The following SHANK2 variants were observed in gnomAD, a reference collection of about 807,000 sequenced individuals.
SHANK2 encodes the protein SH3 and multiple ankyrin repeat domains protein 2.
SHANK2 carries 43 observed loss-of-function variants against 133.7 expected under a neutral mutation model. The observed-to-expected ratio is 0.32, with a 90% confidence interval of 0.25 to 0.41. The LOEUF is 0.41. Ranked by LOEUF, SHANK2 falls within the 10% of genes least tolerant of loss-of-function variation. The pLI is 1.00. For synonymous variants in SHANK2, 1,017 were observed against 952.8 expected (o/e 1.07, Z -1.24); for missense variants, 1,994 against 2,235.8 (o/e 0.89, Z 2.18).
At chr11:70,876,605 A>G (rs1378268580) in intron 11 of SHANK2, among the ~76,000 whole-genome samples, 1 of 150,192 alleles carries the variant, frequency 6.7e-6, no homozygotes, top group Non-Finnish European at 1.5e-5. Flanking sequence ...ACACACACAC[A>G]CACACGCACA....
chr11:70,521,881 T>TA (rs2135931949), intron 17 of SHANK2, among the ~76,000 whole-genome samples: 1 of 152,368 alleles, frequency 6.6e-6, no homozygotes, highest in East Asian at 1.9e-4. Flanking sequence ...GCAAGGCTGT[T>TA]ACGCGGCACA....
At chr11:70,584,735 C>T (rs1342237851) in intron 17 of SHANK2, among the ~76,000 whole-genome samples, 1 of 152,236 alleles carries the variant, frequency 6.6e-6, no homozygotes, top group Non-Finnish European at 1.5e-5. Context: ...AAGGCATGGC[C>T]TCCCCTACCT....
At chr11:70,647,299 G>A (rs1255547311) in intron 17 of SHANK2, 7 of 152,220 alleles carry the variant, frequency 4.6e-5, no homozygotes, top group Admixed American at 2.6e-4. Context: ...CCGGCTTTCT[G>A]CCTAAGCTCC....
intron 4 of SHANK2, among the ~76,000 whole-genome samples, chr11:71,117,752 C>A (rs1952005836): frequency 6.6e-6 from 1 of 152,202 alleles, no homozygotes; most frequent in Admixed American, 6.5e-5. Flanking sequence ...CACGCTGGGC[C>A]CTCCCGACGT....
At chr11:71,087,848 C>T (rs1008589859) in intron 8 of SHANK2, among the ~76,000 whole-genome samples, 26 of 152,234 alleles carry the variant, frequency 1.7e-4, no homozygotes, top group African/African-American at 5.1e-4. Flanking sequence ...AGGCTGGTCT[C>T]GAACTGCTGG....
intron 15 of SHANK2, among the ~76,000 whole-genome samples, chr11:70,666,704 C>T (rs1944684372): frequency 6.6e-6 from 1 of 152,136 alleles, no homozygotes; most frequent in Non-Finnish European, 1.5e-5. Context: ...ACACGTTCCC[C>T]ACGCTGTGTT....
chr11:70,716,895 G>GCCCCCCCCCCCCCCCCCCCCCCCCCC (rs60827522), intron 14 of SHANK2, among the ~76,000 whole-genome samples: 3 of 138,390 alleles, frequency 2.2e-5, no homozygotes, highest in Non-Finnish European at 3.0e-5. Context: ...GGGTCCCGGA[G>GCCCCCCCCCCCCCCCCCCCCCCCCCC]CCCCCCCCCC....
intron 14 of SHANK2, among the ~76,000 whole-genome samples, chr11:70,745,395 G>T (rs967648800): frequency 1.3e-5 from 2 of 152,156 alleles, no homozygotes; most frequent in Admixed American, 1.3e-4. Context: ...CACCCTCCTT[G>T]GGTTGAAACA....
chr11:70,932,405 C>T (rs1221014342), intron 10 of SHANK2, among the ~76,000 whole-genome samples: 1 of 152,270 alleles, frequency 6.6e-6, no homozygotes, highest in Non-Finnish European at 1.5e-5. Context: ...AGCAGCAGGA[C>T]TCTGCTGGGT....
At chr11:70,509,398 T>C (rs1322552124) in intron 17 of SHANK2, among the ~76,000 whole-genome samples, 1 of 152,082 alleles carries the variant, frequency 6.6e-6, no homozygotes, top group Non-Finnish European at 1.5e-5. Flanking sequence ...ACACTGGCTA[T>C]TGGTCTCAGA....
chr11:71,142,521 C>CA (rs1241445418), intron 3 of SHANK2, among the ~76,000 whole-genome samples: 105 of 148,904 alleles, frequency 7.1e-4, no homozygotes, highest in African/African-American at 1.7e-3. Context: ...AACAAACAAA[C>CA]AAAAAAAAAT....
At chr11:70,777,519 T>TCATCCATCCATCCATCCATC (rs201578144) in intron 14 of SHANK2, among the ~76,000 whole-genome samples, 45 of 151,230 alleles carry the variant, frequency 3.0e-4, no homozygotes, top group African/African-American at 1.1e-3. Flanking sequence ...ACCTATCCAT[T>TCATCCATCCATCCATCCATC]CATCCATCCA....
In SHANK2 at chr11:70,786,434, A is replaced by G. The variant is rs561032645; in HGVS notation, c.1777+12009T>C. Reference sequence around the variant, plus strand: ...GGTGCTGGTGTTCCCAGGTATTACTATCAGGAAGCCCATTCCATCAGTGCT... The same window carrying G: ...GGTGCTGGTGTTCCCAGGTATTACTGTCAGGAAGCCCATTCCATCAGTGCT... On this transcript the variant is annotated intron_variant, in intron 14 of 25. Coordinates refer to ENST00000601538, the MANE Select transcript of SHANK2 (RefSeq NM_012309.5). 2.6e-5 allele frequency among the ~76,000 whole-genome samples: 4 copies of G among 152,206 alleles called. No homozygotes were observed. In the Middle Eastern group the frequency reaches 0.01, roughly 388 times the overall value.
intron 2 of SHANK2, among the ~76,000 whole-genome samples, chr11:71,213,529 ACT>A (rs1159284253): frequency 6.6e-6 from 1 of 151,938 alleles, no homozygotes; most frequent in Non-Finnish European, 1.5e-5. Flanking sequence ...GAGAGCGCAG[ACT>A]CTGTCCTCTG....
chr11:70,535,818 G>GGA lies in SHANK2; in HGVS notation c.2062-32888_2062-32887insTC, dbSNP rs2059535801. ...TGGGCCATCCGCTGGCAGGGAGCTG[G>GGA]GCCCAGGCACTTGGGAAGCTTGGGA... On this transcript the variant is annotated intron_variant, in intron 17 of 25. Transcript: ENST00000601538. This position sits in a 1 kb window ranked among gnomAD's most constrained non-coding sequence, Gnocchi z 4.3. Among the ~76,000 whole-genome samples, 1 of 152,238 alleles carries GGA rather than the reference G, an allele frequency of 6.6e-6. No individual in the cohort carries two copies. Among genetic ancestry groups the GGA allele is most frequent in the Admixed American group, 6.5e-5 (1 of 15,292 alleles).
chr11:71,072,552 G>T (rs1951157542), intron 9 of SHANK2, among the ~76,000 whole-genome samples: 2 of 152,310 alleles, frequency 1.3e-5, no homozygotes, highest in Admixed American at 1.3e-4. Flanking sequence ...TTCCCCGAAA[G>T]AAATGAAAAC....
At chr11:71,059,325 A>G (rs1038934766) in intron 9 of SHANK2, among the ~76,000 whole-genome samples, 7 of 152,294 alleles carry the variant, frequency 4.6e-5, no homozygotes, top group African/African-American at 9.6e-5. Context: ...GTGAAAAAAA[A>G]TGTTCTAAGG....
intron 3 of SHANK2, among the ~76,000 whole-genome samples, chr11:71,146,056 C>A (rs78614411): frequency 2.1e-3 from 318 of 152,320 alleles, no homozygotes; most frequent in African/African-American, 7.3e-3. Context: ...GGGCTTCGTA[C>A]CAACTGCCCC....
intron 22 of SHANK2, 74 bp downstream of exon 22, chr11:70,492,261 C>G: frequency 1.9e-6 from 3 of 1,591,436 alleles, no homozygotes; most frequent in Non-Finnish European, 2.6e-6. Flanking sequence ...TGCACCTCAG[C>G]TACTGAGACA....
Sources: allele counts gnomAD v4.1 joint callset (sites outside exome capture counted in the v4.1 genomes callset), GRCh38; gene constraint gnomAD v4.1.1; non-coding constraint Gnocchi (gnomAD v3.1); transcripts MANE v1.5; gene names NCBI Gene and HGNC (gene_info 2026-07-23, HGNC 2026-07-21).